The following AKAP19 variants were observed in gnomAD, a reference collection of about 807,000 sequenced individuals.
The protein encoded by AKAP19 is small A-kinase anchoring protein.
chr2:189,902,512 G>A, the AKAP19 span, among the ~76,000 whole-genome samples: 2 of 151,830 alleles, frequency 1.3e-5, no homozygotes, highest in African/African-American at 4.8e-5. Flanking sequence ...TATTTTCTAA[G>A]CTGCATAATT....
At chr2:190,026,983 C>T in the AKAP19 span, among the ~76,000 whole-genome samples, 1 of 152,172 alleles carries the variant, frequency 6.6e-6, no homozygotes, top group Non-Finnish European at 1.5e-5. Context: ...ATTCCATAAA[C>T]AGAGTAATTT....
At chr2:190,192,452 CTGTGTGTGTGTGTGTGTGTGTG>C in the AKAP19 span, among the ~76,000 whole-genome samples, 18 of 145,258 alleles carry the variant, frequency 1.2e-4, no homozygotes, top group Admixed American at 8.9e-4. Context: ...AATTCAGAAT[CTGTGTGTGTGTGTGTGTGTGTG>C]TGTGTGTGTG....
the AKAP19 span, among the ~76,000 whole-genome samples, chr2:190,029,055 ATTT>A: frequency 6.9e-6 from 1 of 144,702 alleles, no homozygotes; most frequent in African/African-American, 2.5e-5. Context: ...ACCTGTAAGG[ATTT>A]TTTTTTTTTT....
At chr2:190,176,589 C>T in the AKAP19 span, among the ~76,000 whole-genome samples, 1 of 152,200 alleles carries the variant, frequency 6.6e-6, no homozygotes, top group African/African-American at 2.4e-5. This position sits in a 1 kb window ranked among gnomAD's most constrained non-coding sequence, Gnocchi z 4.7. Flanking sequence ...ACCTCGTGAT[C>T]TGCCTGCCTT....
At chr2:189,938,699 ATAAC>A in the AKAP19 span, among the ~76,000 whole-genome samples, 1 of 152,202 alleles carries the variant, frequency 6.6e-6, no homozygotes, top group African/African-American at 2.4e-5. Flanking sequence ...ACATTTAAAA[ATAAC>A]TAAAAGAGTA....
the AKAP19 span, among the ~76,000 whole-genome samples, chr2:190,186,513 C>T: frequency 1.3e-5 from 2 of 152,120 alleles, no homozygotes; most frequent in East Asian, 1.9e-4. The surrounding 1 kb of genome is among the most constrained non-coding windows in gnomAD (Gnocchi z 5.5). Context: ...TTCTAAGGTC[C>T]CTACAGTAGT....
the AKAP19 span, among the ~76,000 whole-genome samples, chr2:190,176,178 T>C: frequency 1.3e-5 from 2 of 152,236 alleles, no homozygotes; most frequent in Non-Finnish European, 2.9e-5. The surrounding 1 kb of genome is among the most constrained non-coding windows in gnomAD (Gnocchi z 4.7). Context: ...TTTGGCTATA[T>C]AGGTAATCTA....
At chr2:189,989,577 G>C in the AKAP19 span, among the ~76,000 whole-genome samples, 1 of 151,906 alleles carries the variant, frequency 6.6e-6, no homozygotes, top group Non-Finnish European at 1.5e-5. Flanking sequence ...AAAAAATTGG[G>C]GGTAGAAAGG....
chr2:189,903,981 G>A, the AKAP19 span, among the ~76,000 whole-genome samples: 1 of 151,992 alleles, frequency 6.6e-6, no homozygotes, highest in Admixed American at 6.6e-5. Flanking sequence ...ATAACTTGTA[G>A]AAAGTAAACT....
chr2:190,100,422 T>C, the AKAP19 span, among the ~76,000 whole-genome samples: 1 of 152,202 alleles, frequency 6.6e-6, no homozygotes, highest in Non-Finnish European at 1.5e-5. Context: ...ATCCAGTTCT[T>C]TCATGCAAGT....
chr2:190,120,169 G>A, the AKAP19 span, among the ~76,000 whole-genome samples: 1 of 152,160 alleles, frequency 6.6e-6, no homozygotes, highest in African/African-American at 2.4e-5. Flanking sequence ...ATCAGCTGCA[G>A]CATTAGATTC....
the AKAP19 span, among the ~76,000 whole-genome samples, chr2:190,038,916 C>T: frequency 3.1e-4 from 41 of 133,896 alleles, 3 homozygotes; most frequent in African/African-American, 9.7e-4. Context: ...TCTTCTTCTT[C>T]TTCTTCTTCT....
chr2:190,070,344 A>C, the AKAP19 span, among the ~76,000 whole-genome samples: 1 of 152,100 alleles, frequency 6.6e-6, no homozygotes, highest in Non-Finnish European at 1.5e-5. Flanking sequence ...TAACATTAAA[A>C]AGTCAGTAGT....
chr2:190,177,556 C>T, the AKAP19 span, among the ~76,000 whole-genome samples: 2 of 152,202 alleles, frequency 1.3e-5, no homozygotes, highest in Non-Finnish European at 2.9e-5. This position sits in a 1 kb window ranked among gnomAD's most constrained non-coding sequence, Gnocchi z 4.6. Context: ...CCTTCTGCCT[C>T]GCCGGCATAA....
At chr2:190,174,073 T>C in the AKAP19 span, among the ~76,000 whole-genome samples, 1 of 152,286 alleles carries the variant, frequency 6.6e-6, no homozygotes, top group Admixed American at 6.5e-5. Context: ...CTTTGCTCTC[T>C]TTAAAATAGC....
At chr2:190,018,442 A>AT in the AKAP19 span, among the ~76,000 whole-genome samples, 1 of 151,018 alleles carries the variant, frequency 6.6e-6, no homozygotes, top group Non-Finnish European at 1.5e-5. Context: ...ATTTTGTTGC[A>AT]TTTTTTAGTT....
At chr2:189,933,485 T>C in the AKAP19 span, among the ~76,000 whole-genome samples, 2 of 152,312 alleles carry the variant, frequency 1.3e-5, no homozygotes, top group African/African-American at 4.8e-5. Flanking sequence ...GCCATTTTTG[T>C]TTGTCACATT....
the AKAP19 span, among the ~76,000 whole-genome samples, chr2:190,165,078 C>T: frequency 3.3e-5 from 5 of 152,154 alleles, no homozygotes; most frequent in African/African-American, 1.2e-4. Context: ...GAAGCATTTA[C>T]TTCATCTTAT....
the AKAP19 span, among the ~76,000 whole-genome samples, chr2:190,174,349 C>T: frequency 6.6e-6 from 1 of 152,238 alleles, no homozygotes; most frequent in Non-Finnish European, 1.5e-5. Flanking sequence ...GGTTCTCGTA[C>T]TGCCCATCAG....
Sources: gnomAD v4.1 joint callset for allele counts (sites outside exome capture counted in the v4.1 genomes callset) on GRCh38, gnomAD v4.1.1 for gene constraint, Gnocchi (gnomAD v3.1) non-coding constraint, MANE v1.5 for transcripts, NCBI Gene and HGNC (gene_info 2026-07-23, HGNC 2026-07-21) for gene names.